The following CHD5 variants were observed in gnomAD, a reference collection of about 807,000 sequenced individuals.
The protein encoded by CHD5 is ATP-dependent chromatin remodeler CHD5.
In CHD5, 69 loss-of-function variants were observed where a neutral mutation model predicts 230.3. The ratio of observed to expected loss-of-function variants is 0.30; its 90% CI spans 0.25 to 0.37. The LOEUF is 0.37. CHD5 is among the 10% of genes least tolerant of loss of function. The probability of loss-of-function intolerance (pLI) is 1.00; values close to 1 mark genes in which losing one functional copy is unlikely to be tolerated. For synonymous variants in CHD5, 1,064 were observed against 1,065.9 expected (o/e 1.00, Z 0.03); for missense variants, 1,827 against 2,622.8 (o/e 0.70, Z 6.63).
chr1:6,170,802 A>AC (rs1667325977), intron 1 of CHD5, among the ~76,000 whole-genome samples: 1 of 151,926 alleles, frequency 6.6e-6, no homozygotes, highest in African/African-American at 2.4e-5. Flanking sequence ...GTGCACGGGG[A>AC]CCCCCTCGGA....
chr1:6,171,949 A>G (rs1667345250), intron 1 of CHD5, among the ~76,000 whole-genome samples: 2 of 152,228 alleles, frequency 1.3e-5, no homozygotes, highest in Non-Finnish European at 2.9e-5. Context: ...CACGGATCCA[A>G]GCCTGCTCTA....
chr1:6,114,486 G>A (rs1034471932), intron 33 of CHD5, among the ~76,000 whole-genome samples: 1 of 148,774 alleles, frequency 6.7e-6, no homozygotes, highest in African/African-American at 2.5e-5. Context: ...CAGCTGATGA[G>A]CTTATATATA....
intron 36 of CHD5, 127 bp downstream of exon 36, chr1:6,111,648 C>T (rs1316572929): frequency 4.2e-6 from 3 of 711,668 alleles, no homozygotes; most frequent in Non-Finnish European, 4.8e-6. Context: ...GATTTCTAGC[C>T]ACCGCCAGAA....
At chr1:6,110,317 T>C (rs1167063993) in intron 37 of CHD5, 77 bp downstream of exon 37, 2 of 1,560,880 alleles carry the variant, frequency 1.3e-6, no homozygotes, top group Non-Finnish European at 1.8e-6. Context: ...TGCTCTCTAA[T>C]TCCTTTGCCT....
At chr1:6,168,508 T>C (rs980414988) in intron 1 of CHD5, among the ~76,000 whole-genome samples, 2 of 152,212 alleles carry the variant, frequency 1.3e-5, no homozygotes, top group African/African-American at 2.4e-5. Flanking sequence ...CCCTCCTCTG[T>C]AAATGGGACA....
intron 1 of CHD5, among the ~76,000 whole-genome samples, chr1:6,171,687 A>T (rs1667341383): frequency 6.6e-6 from 1 of 152,242 alleles, no homozygotes; most frequent in Non-Finnish European, 1.5e-5. Context: ...TGAGCCCACC[A>T]GTCCCTCCTC....
Position 6,155,593 on chromosome 1 carries a change from G to A in CHD5, c.506+6C>T, listed in dbSNP as rs766543001. 16 of 1,608,852 alleles carry A rather than the reference G, an allele frequency of 9.9e-6. No homozygotes were observed. In the East Asian group the frequency reaches 1.8e-4, roughly 18 times the overall value. ...GCCTGGAGAACAGCCCTAGTGCCCC[G>A]CCCACCTGAGGAACTGGCTGAAGGC... On this transcript the variant is annotated splice_donor_region_variant and intron_variant, in intron 4 of 41. Coordinates refer to ENST00000262450, the MANE Select transcript of CHD5 (RefSeq NM_015557.3). This position sits in a 1 kb window ranked among gnomAD's most constrained non-coding sequence, Gnocchi z 4.0.
intron 38 of CHD5, among the ~76,000 whole-genome samples, chr1:6,108,627 G>A (rs1214740322): frequency 6.8e-6 from 1 of 146,018 alleles, no homozygotes; most frequent in Non-Finnish European, 1.5e-5. Flanking sequence ...ACAGAGGGAT[G>A]AGGGATGGAG....
Position 6,169,080 on chromosome 1 carries a change from C to A in CHD5, c.80-803G>T, listed in dbSNP as rs182272665. 1.1e-4 allele frequency among the ~76,000 whole-genome samples: 17 copies of A among 152,086 alleles called. No individual in the cohort carries two copies. In the East Asian group the frequency reaches 3.3e-3, roughly 29 times the overall value. ...GCACAGGGACACTCAAGCCCCAAAC[C>A]TGAGGACCCCAGGGGTTTGCAGGAC... On this transcript the variant is annotated intron_variant, in intron 1 of 41. Transcript: ENST00000262450.
rs192754586 is a variant in CHD5 at position 6,161,561 on chromosome 1, G to A, written c.208-2046C>T. Among the ~76,000 whole-genome samples the A allele has an allele frequency of 1.6e-3, 250 of 152,356 alleles. 1 individual carries two copies. The highest frequency in any genetic ancestry group is 2.3e-3 in the Non-Finnish European group (154 of 68,032). ...GCTTTTCCGGAACCCGGGTGTTTCC[G>A]GGAATACTGACACAGCCACTGGCTG... On this transcript the variant is annotated intron_variant, in intron 2 of 41. Transcript: ENST00000262450.
rs753769470 is a variant in CHD5, at chr1:6,142,121, C to T, written c.2436+7G>A. 3.8e-5 allele frequency: 61 copies of T among 1,610,598 alleles called. No homozygotes were observed. Among genetic ancestry groups the T allele is most frequent in the Non-Finnish European group, 5.1e-5 (60 of 1,177,040 alleles). On this transcript the variant is annotated splice_region_variant and intron_variant, in intron 15 of 41. Coordinates refer to ENST00000262450, the MANE Select transcript of CHD5 (RefSeq NM_015557.3). This position sits in a 1 kb window ranked among gnomAD's most constrained non-coding sequence, Gnocchi z 5.2. The stretch of plus-strand genomic sequence containing the variant: ...CTACCGTCCTTCCAAGGATAGCGAG[C>T]CCTCACCTTCATACGGAATACCTTC...
intron 20 of CHD5, among the ~76,000 whole-genome samples, 188 bp downstream of exon 20, chr1:6,133,940 T>G (rs1320249596): frequency 6.6e-6 from 1 of 152,142 alleles, no homozygotes; most frequent in African/African-American, 2.4e-5. Context: ...ATGGCAAATG[T>G]GTTCTGAGCT....
chr1:6,152,236 G>A (rs1337229522), intron 6 of CHD5, among the ~76,000 whole-genome samples, 176 bp downstream of exon 6: 3 of 152,214 alleles, frequency 2.0e-5, no homozygotes, highest in Non-Finnish European at 2.9e-5. Flanking sequence ...TCACACAAAT[G>A]GAGAAACTGA....
chr1:6,131,611 C>A lies in CHD5; in HGVS notation c.3262+20G>T. ...CCAAAAAGGAGTCTCAATCAGAACC[C>A]TTGGGCAGGATGGGGGTACCATTGA... On this transcript the variant is annotated intron_variant, in intron 21 of 41. Transcript: ENST00000262450. The surrounding 1 kb of genome is among the most constrained non-coding windows in gnomAD (Gnocchi z 5.0). 3 of 1,464,114 alleles carry A rather than the reference C, an allele frequency of 2.0e-6. No homozygotes were observed. The highest frequency in any genetic ancestry group is 2.9e-6 in the Non-Finnish European group (3 of 1,044,110). 90.7% of individuals were successfully genotyped at this position (1,464,114 alleles called of 1,614,324 possible).
At position 6,125,617 on chromosome 1, in the gene CHD5, G is replaced by A. The variant is rs1230847781; in HGVS notation, c.4172-5C>T. ...TCCGGGATTGTCGTCGTCCACCTGG[G>A]GAGCAGCCCGCCACAGTTCCTCAGG... On this transcript the variant is annotated splice_polypyrimidine_tract_variant and splice_region_variant and intron_variant, in intron 27 of 41. Transcript: ENST00000262450. This position sits in a 1 kb window ranked among gnomAD's most constrained non-coding sequence, Gnocchi z 6.7. 6.2e-7 allele frequency: 1 copy of A among 1,611,986 alleles called. No homozygotes were observed. The highest frequency in any genetic ancestry group is 2.2e-5 in the East Asian group (1 of 44,798).
chr1:6,143,293 A>C (rs1427762096), intron 13 of CHD5, among the ~76,000 whole-genome samples: 1 of 151,916 alleles, frequency 6.6e-6, no homozygotes, highest in Non-Finnish European at 1.5e-5. Context: ...CCGGCCTCCC[A>C]CAGTGCTGGG....
intron 25 of CHD5, 148 bp downstream of exon 25, chr1:6,127,898 C>T: frequency 3.0e-6 from 2 of 664,556 alleles, no homozygotes; most frequent in Non-Finnish European, 5.0e-6. Context: ...GCAGGGAGGG[C>T]GGGGCTGCGG....
rs111431158 is a variant in CHD5, at chr1:6,136,146, G to A, written c.2696+371C>T. Among the ~76,000 whole-genome samples the A allele has an allele frequency of 1.4e-3, 211 of 152,008 alleles. 2 individuals carry two copies. Among genetic ancestry groups the A allele is most frequent in the Non-Finnish European group, 1.7e-3 (114 of 67,968 alleles). ...TGAGGGGGATGGGGCGGTGGGCTCC[G>A]GCCACCGGGGAGCTTGCCTCTGCCT... On this transcript the variant is annotated intron_variant, in intron 17 of 41. Coordinates refer to ENST00000262450, the MANE Select transcript of CHD5 (RefSeq NM_015557.3).
In CHD5 at chr1:6,168,330, C is replaced by T. The variant is rs114080510; in HGVS notation, c.80-53G>A. ...TACTCCTGAGCTTCCTCCAGGAGAG[C>T]CCTGGAGACACAGAGCCAGCCCTGG... On this transcript the variant is annotated intron_variant, in intron 1 of 41. Coordinates refer to ENST00000262450, the MANE Select transcript of CHD5 (RefSeq NM_015557.3). 1.1e-3 allele frequency: 1,689 copies of T among 1,538,906 alleles called. 19 individuals are homozygous for T. In the African/African-American group the frequency reaches 0.013, roughly 12 times the overall value.
Sources: gnomAD v4.1 joint callset for allele counts (sites outside exome capture counted in the v4.1 genomes callset) on GRCh38, gnomAD v4.1.1 for gene constraint, Gnocchi (gnomAD v3.1) non-coding constraint, MANE v1.5 for transcripts, NCBI Gene and HGNC (gene_info 2026-07-23, HGNC 2026-07-21) for gene names.